The following HDGFL3 variants were observed in gnomAD, a reference collection of about 807,000 sequenced individuals.
The protein encoded by HDGFL3 is HDGF like 3.
HDGFL3 carries 6 observed loss-of-function variants against 27.6 expected under a neutral mutation model. The ratio of observed to expected loss-of-function variants is 0.22; its 90% CI spans 0.12 to 0.43. The LOEUF (loss-of-function observed/expected upper bound fraction) is 0.43, where lower values mean the gene tolerates loss of function less well. Among genes scored for constraint, HDGFL3 ranks in the 20% least tolerant of loss-of-function variants. HDGFL3 has a pLI of 1.00. For synonymous variants in HDGFL3, 88 were observed against 88.9 expected, an observed-to-expected ratio of 0.99 and a Z score of 0.05; for missense variants, 207 against 250.1, an observed-to-expected ratio of 0.83 and a Z score of 1.16.
intron 1 of HDGFL3, among the ~76,000 whole-genome samples, chr15:83,200,192 A>G (rs2037625793): frequency 6.6e-6 from 1 of 151,742 alleles, no homozygotes; most frequent in Admixed American, 6.6e-5. Context: ...AAAAATACAA[A>G]AAAATCAGCC....
At chr15:83,167,873 C>T (rs544434915) in intron 1 of HDGFL3, among the ~76,000 whole-genome samples, 8 of 152,290 alleles carry the variant, frequency 5.3e-5, no homozygotes, top group African/African-American at 1.7e-4. Context: ...GCACACAGAA[C>T]ATACTCCAAG....
chr15:83,173,800 C>A (rs2037275230), intron 1 of HDGFL3, among the ~76,000 whole-genome samples: 1 of 152,104 alleles, frequency 6.6e-6, no homozygotes, highest in Admixed American at 6.5e-5. Context: ...CCATAAGTAA[C>A]TTAAACCCAA....
rs530874755 is a variant in HDGFL3 at position 83,157,833 on chromosome 15, A to T, written c.300+70T>A. ...TAACTATTAGTAGAAAGGACATATA[A>T]GAAAGATTTGAAAAAGCGTTAAAAC... On this transcript the variant is annotated intron_variant, in intron 3 of 5. Transcript: ENST00000299633. The T allele has an allele frequency of 5.4e-5, 76 of 1,407,532 alleles. 1 individual carries two copies. In the African/African-American group the frequency reaches 1.0e-3, roughly 19 times the overall value. 87.2% of individuals were successfully genotyped at this position (1,407,532 alleles called of 1,614,324 possible).
At chr15:83,121,887 CCAAGT>C (rs1567143643) in intron 3 of HDGFL3, 2 of 1,521,762 alleles carry the variant, frequency 1.3e-6, no homozygotes, top group East Asian at 2.3e-5. Context: ...GACAAACATA[CCAAGT>C]CAAGATTTTT....
At chr15:83,154,710 TG>T (rs1343489409) in intron 4 of HDGFL3, among the ~76,000 whole-genome samples, 1 of 152,216 alleles carries the variant, frequency 6.6e-6, no homozygotes, top group East Asian at 1.9e-4. Context: ...AAAAACTTTT[TG>T]TTCTCCTAGT....
intron 1 of HDGFL3, among the ~76,000 whole-genome samples, chr15:83,190,277 A>G (rs2037496019): frequency 6.6e-6 from 1 of 151,820 alleles, no homozygotes; most frequent in Admixed American, 6.6e-5. Context: ...TTGTTGTAAA[A>G]TTCTTGTACA....
chr15:83,183,800 AAG>A (rs57490289), intron 1 of HDGFL3, among the ~76,000 whole-genome samples: 6,923 of 152,042 alleles, frequency 0.046, 432 homozygotes, highest in African/African-American at 0.13. Context: ...TCCCACTGCA[AAG>A]AGAGTTTGGT....
chr15:83,181,341 A>C (rs976161906), intron 1 of HDGFL3, among the ~76,000 whole-genome samples: 9 of 152,216 alleles, frequency 5.9e-5, no homozygotes, highest in Non-Finnish European at 1.2e-4. Context: ...GTGGGGCATT[A>C]ACTCAGCCTC....
At chr15:83,174,789 T>C (rs996207258) in intron 1 of HDGFL3, among the ~76,000 whole-genome samples, 1 of 152,220 alleles carries the variant, frequency 6.6e-6, no homozygotes, top group African/African-American at 2.4e-5. Flanking sequence ...AGGTTTAAAA[T>C]AATCTTTTGA....
At chr15:83,178,095 A>C (rs1427321084) in intron 1 of HDGFL3, among the ~76,000 whole-genome samples, 2 of 152,242 alleles carry the variant, frequency 1.3e-5, no homozygotes, top group African/African-American at 4.8e-5. Context: ...TGTGGAAAGG[A>C]AAATGTATTT....
intron 1 of HDGFL3, among the ~76,000 whole-genome samples, chr15:83,183,085 T>G (rs1420079858): frequency 6.6e-6 from 1 of 152,230 alleles, no homozygotes; most frequent in South Asian, 2.1e-4. Flanking sequence ...TCCTTTTCTC[T>G]TAAAATGTAA....
chr15:83,201,237 AAAAT>A (rs1431048082), intron 1 of HDGFL3, among the ~76,000 whole-genome samples: 1 of 152,180 alleles, frequency 6.6e-6, no homozygotes, highest in Non-Finnish European at 1.5e-5. Context: ...TTATAAAATA[AAAAT>A]AAATTATGAG....
exon 4 of HDGFL3, chr15:83,113,280 C>T (rs1009454660): frequency 1.8e-5 from 5 of 275,210 alleles, no homozygotes; most frequent in Non-Finnish European, 3.5e-5. Flanking sequence ...GTGTCTGGGT[C>T]TGCACATATG....
chr15:83,116,543 G>A (rs1156334390), intron 3 of HDGFL3, among the ~76,000 whole-genome samples: 1 of 152,196 alleles, frequency 6.6e-6, no homozygotes, highest in Non-Finnish European at 1.5e-5. Context: ...TCAGATAATG[G>A]GGAGCTTTGT....
Position 83,136,469 on chromosome 15 carries a change from T to C in HDGFL3, c.*2801A>G, listed in dbSNP as rs745352496. ...TCATGCTTACTCAATTTTTTTTTTT[T>C]AAATGCAACAGGCTCAGTTTTCTCA... On this transcript the variant is annotated 3_prime_UTR_variant, in exon 6 of 6. Coordinates refer to ENST00000299633, the MANE Select transcript of HDGFL3 (RefSeq NM_016073.4). 4 of 1,562,254 alleles carry C rather than the reference T, an allele frequency of 2.6e-6. No homozygotes were observed. Among genetic ancestry groups the C allele is most frequent in the African/African-American group, 1.4e-5 (1 of 72,320 alleles).
chr15:83,178,030 C>T lies in HDGFL3; in HGVS notation c.85-13955G>A, dbSNP rs1423483038. On this transcript the variant is annotated intron_variant, in intron 1 of 5. Coordinates refer to ENST00000299633, the MANE Select transcript of HDGFL3 (RefSeq NM_016073.4). ...AAGTATCTGGGTTTCTTTCAAAATG[C>T]GCAAGAGGATAATGAAGGACAAAAC... Among the ~76,000 whole-genome samples the T allele has an allele frequency of 2.0e-5, 3 of 151,986 alleles. No individual in the cohort carries two copies. The East Asian group carries it at 5.8e-4, about 29-fold the overall frequency.
chr15:83,183,035 G>A (rs1468784890), intron 1 of HDGFL3, among the ~76,000 whole-genome samples: 6 of 152,126 alleles, frequency 3.9e-5, no homozygotes, highest in African/African-American at 4.8e-5. Flanking sequence ...AAATAGAGAG[G>A]GAAGAAGAGG....
intron 1 of HDGFL3, among the ~76,000 whole-genome samples, chr15:83,197,636 T>G (rs1180201827): frequency 6.6e-6 from 1 of 152,208 alleles, no homozygotes; most frequent in Non-Finnish European, 1.5e-5. Context: ...CAGTCATAGC[T>G]TGATACCTCC....
At chr15:83,204,287 G>T in intron 1 of HDGFL3, among the ~76,000 whole-genome samples, 1 of 151,764 alleles carries the variant, frequency 6.6e-6, no homozygotes, top group East Asian at 1.9e-4. Flanking sequence ...CAAACTCACC[G>T]AATGGTACAG....
Sources: gnomAD v4.1 joint callset for allele counts (sites outside exome capture counted in the v4.1 genomes callset) on GRCh38, gnomAD v4.1.1 for gene constraint, MANE v1.5 for transcripts, NCBI Gene and HGNC (gene_info 2026-07-23, HGNC 2026-07-21) for gene names.